Variants in NAA38 observed in about 807,000 individuals in gnomAD.
NAA38 encodes N-alpha-acetyltransferase 38, NatC auxiliary subunit.
Under a neutral mutation model 12.6 loss-of-function variants are expected in NAA38, and 15 were observed. That is an observed-to-expected ratio of 1.19 (90% confidence interval 0.79 to 1.83). The LOEUF is 1.83. Ranked by LOEUF, NAA38 falls within the 40% of genes most tolerant of loss-of-function variation. The pLI, the probability that NAA38 is intolerant of heterozygous loss-of-function variation, is 0.00. For synonymous variants in NAA38, 88 were observed against 69.9 expected (o/e 1.26, Z -1.29); for missense variants, 183 against 171.7 (o/e 1.07, Z -0.37).
At chr17:7,859,673 C>G (rs533902225), upstream of NAA38, 10 of 1,537,486 alleles carry the variant, frequency 6.5e-6, no homozygotes, top group South Asian at 9.0e-5. Context: ...TTTTCTGTGC[C>G]TTGAGGAAAA....
chr17:7,874,098 G>A (rs1201705220), intron 2 of NAA38, among the ~76,000 whole-genome samples: 2 of 152,146 alleles, frequency 1.3e-5, no homozygotes, highest in East Asian at 3.8e-4. Flanking sequence ...AGTGGCAGGA[G>A]CATGGTTAAA....
chr17:7,884,877 A>G, intron 1 of NAA38: 4 of 1,286,142 alleles, frequency 3.1e-6, no homozygotes, highest in Admixed American at 4.8e-5. Context: ...GAAGAAGAGG[A>G]GGAAGAAGAG....
intron 2 of NAA38, among the ~76,000 whole-genome samples, chr17:7,867,463 C>T (rs940468155): frequency 6.6e-6 from 1 of 151,992 alleles, no homozygotes; most frequent in Non-Finnish European, 1.5e-5. Flanking sequence ...CTCAGCCTCC[C>T]GAGTAGCTGG....
upstream of NAA38, chr17:7,859,273 G>C: frequency 2.4e-6 from 2 of 830,418 alleles, no homozygotes; most frequent in Admixed American, 4.8e-5. Flanking sequence ...TCCCGGGGCC[G>C]TAGAGTACCT....
chr17:7,867,478 A>C (rs1201004015), intron 2 of NAA38, among the ~76,000 whole-genome samples: 1 of 152,072 alleles, frequency 6.6e-6, no homozygotes, highest in Admixed American at 6.5e-5. Context: ...AGCTGGGATT[A>C]CAGGCGTGCA....
intron 2 of NAA38, among the ~76,000 whole-genome samples, chr17:7,869,213 T>G (rs1967041353): frequency 6.6e-6 from 1 of 152,176 alleles, no homozygotes; most frequent in Non-Finnish European, 1.5e-5. Flanking sequence ...GAGATAGGCA[T>G]TAATACACCA....
chr17:7,884,738 G>T, intron 1 of NAA38: 1 of 370,958 alleles, frequency 2.7e-6, no homozygotes. Flanking sequence ...GGAGGAGGTG[G>T]TGGTGGTAGC....
At position 7,857,438 on chromosome 17, in the gene NAA38, A is replaced by T; in HGVS notation, c.26T>A (p.Leu9Gln). ...GCAACAGCCATTCTCTTCTCGTAGC[A>T]GCATGGTCGGTCCAGCTCCGGCCAT... MAGAGPTM[L>Q]LREENGCCSR... is the part of the protein sequence containing the mutation. The change falls in exon 1 of 3, where the codon CTG becomes CAG. Residue 9 changes from leucine to glutamine, a missense_variant. Coordinates refer to ENST00000575771, the MANE Select transcript of NAA38 (RefSeq NM_001320925.4). 1 of 1,581,664 alleles carries T rather than the reference A, an allele frequency of 6.3e-7. No homozygotes were observed. The highest frequency in any genetic ancestry group is 1.1e-5 in the South Asian group (1 of 87,118).
At chr17:7,871,131 A>AT (rs1967078955) in intron 2 of NAA38, among the ~76,000 whole-genome samples, 1 of 152,216 alleles carries the variant, frequency 6.6e-6, no homozygotes, top group South Asian at 2.1e-4. Context: ...CTCAATTGCT[A>AT]TTAACAATGT....
At chr17:7,876,853 T>C (rs1408639820) in intron 2 of NAA38, among the ~76,000 whole-genome samples, 1 of 152,210 alleles carries the variant, frequency 6.6e-6, no homozygotes, top group South Asian at 2.1e-4. Context: ...TGGTTTCCTG[T>C]ATATTCTTCC....
upstream of NAA38, chr17:7,859,151 A>C: frequency 1.7e-6 from 1 of 597,696 alleles, no homozygotes; most frequent in Non-Finnish European, 3.0e-6. Context: ...GCATGGATAT[A>C]GTGAGGGGAC....
chr17:7,885,006 C>A, intron 1 of NAA38: 1 of 1,238,042 alleles, frequency 8.1e-7, no homozygotes, highest in Non-Finnish European at 1.0e-6. Flanking sequence ...CGCCACAGCC[C>A]CCCCGGCTGC....
intron 2 of NAA38, among the ~76,000 whole-genome samples, chr17:7,881,668 G>C (rs574886231): frequency 6.6e-6 from 1 of 151,014 alleles, no homozygotes; most frequent in Admixed American, 6.6e-5. Flanking sequence ...AGGCAAGAGA[G>C]ATCTAAAGGG....
intron 3 of NAA38, chr17:7,866,389 T>A (rs978891658): frequency 2.2e-6 from 2 of 919,888 alleles, no homozygotes; most frequent in Non-Finnish European, 2.8e-6. Flanking sequence ...ATTACAGGTG[T>A]GAGCCATTGC....
intron 2 of NAA38, among the ~76,000 whole-genome samples, chr17:7,882,168 C>A (rs1446378853): frequency 6.6e-6 from 1 of 152,092 alleles, no homozygotes; most frequent in East Asian, 1.9e-4. Flanking sequence ...TGCACACGGC[C>A]ACCTTTAGCC....
chr17:7,861,546 G>A (rs2078883308), upstream of NAA38: 1 of 152,156 alleles, frequency 6.6e-6, no homozygotes, highest in Non-Finnish European at 1.5e-5. Context: ...TGTGCCTACA[G>A]GATGTCCCCA....
intron 1 of NAA38, among the ~76,000 whole-genome samples, chr17:7,883,593 G>A (rs1373536964): frequency 1.3e-5 from 2 of 151,834 alleles, no homozygotes; most frequent in African/African-American, 2.4e-5. Context: ...CTCAATCATC[G>A]TATCTATTCA....
upstream of NAA38, chr17:7,885,228 C>T (rs1967617004): frequency 6.3e-6 from 5 of 794,756 alleles, no homozygotes; most frequent in Non-Finnish European, 7.6e-6. Flanking sequence ...GGCCCCGCGG[C>T]GGTCCGGGAG....
intron 2 of NAA38, among the ~76,000 whole-genome samples, chr17:7,881,495 A>G (rs1279150536): frequency 6.6e-6 from 1 of 151,976 alleles, no homozygotes; most frequent in Non-Finnish European, 1.5e-5. Flanking sequence ...AAGAAGTTAG[A>G]TAAGACTTTG....
Sources: allele counts gnomAD v4.1 joint callset (sites outside exome capture counted in the v4.1 genomes callset), GRCh38; gene constraint gnomAD v4.1.1; transcripts MANE v1.5; gene names NCBI Gene and HGNC (gene_info 2026-07-23, HGNC 2026-07-21).